The following HSDL1 variants were observed in gnomAD, a reference collection of about 807,000 sequenced individuals.
HSDL1 encodes the protein inactive hydroxysteroid dehydrogenase-like protein 1.
Under a neutral mutation model 31.5 loss-of-function variants are expected in HSDL1, and 29 were observed. That is an observed-to-expected ratio of 0.92 (90% CI 0.69 to 1.26). HSDL1 has a LOEUF of 1.26. Among genes scored for constraint, HSDL1 ranks in the 50% most tolerant of loss-of-function variants. HSDL1 has a pLI of 0.00. For missense variants in HSDL1, 503 were observed against 416.6 expected (o/e 1.21, Z -1.81); for synonymous variants, 222 against 155.2 (o/e 1.43, Z -3.20).
rs1298307485 is a variant in HSDL1 at position 84,130,206 on chromosome 16, A to T, written c.446T>A (p.Val149Glu). 6.2e-7 allele frequency: 1 copy of T among 1,614,206 alleles called. No homozygotes were observed. The highest frequency in any genetic ancestry group is 1.7e-5 in the Admixed American group (1 of 60,016). The part of the protein sequence containing the change: ...ALKDKDVGIL[V>E]NNVGVFYPYP... ...GGGATAAAACACACCCACGTTATTT[A>T]CCAAGATGCCAACGTCTTTGTCCTT... Residue 149 changes from valine to glutamate, a missense_variant, in exon 4 of 6, where the codon GTA (valine) becomes GAA (glutamate). Coordinates refer to ENST00000219439, the MANE Select transcript of HSDL1 (RefSeq NM_031463.5).
chr16:84,129,835 G>GA (rs1178145340), intron 4 of HSDL1, 60 bp from the exon 5 acceptor site: 2 of 1,482,892 alleles, frequency 1.3e-6, no homozygotes, highest in Non-Finnish European at 1.8e-6. Context: ...AAATTCAGGA[G>GA]AAAAAAAGAC....
intron 1 of HSDL1, among the ~76,000 whole-genome samples, chr16:84,136,807 CA>C (rs1369104451): frequency 1.3e-5 from 2 of 152,222 alleles, no homozygotes; most frequent in African/African-American, 2.4e-5. Context: ...CACAGAGCAT[CA>C]GGGGGGCTGA....
intron 5 of HSDL1, 48 bp from the exon 6 acceptor site, chr16:84,124,776 C>T (rs530132993): frequency 3.6e-5 from 46 of 1,286,302 alleles, no homozygotes; most frequent in Admixed American, 1.4e-4. Flanking sequence ...CCAAAATCAA[C>T]ACTGAAGGAA....
intron 1 of HSDL1, among the ~76,000 whole-genome samples, chr16:84,140,893 G>A (rs1426093055): frequency 1.3e-5 from 2 of 152,046 alleles, no homozygotes; most frequent in Admixed American, 6.5e-5. Context: ...CACGAGGTCA[G>A]GAGATCGAGA....
At chr16:84,127,962 G>A (rs1448818911) in intron 5 of HSDL1, among the ~76,000 whole-genome samples, 1 of 149,196 alleles carries the variant, frequency 6.7e-6, no homozygotes, top group Non-Finnish European at 1.5e-5. Context: ...CTCGTGATCC[G>A]CCCGCCTTGG....
chr16:84,137,205 C>T (rs757680946), intron 1 of HSDL1, among the ~76,000 whole-genome samples: 2 of 152,216 alleles, frequency 1.3e-5, no homozygotes, highest in African/African-American at 2.4e-5. Flanking sequence ...TGAAATGGGT[C>T]TTGAAGTGTG....
chr16:84,137,109 G>C (rs530994354), intron 1 of HSDL1, among the ~76,000 whole-genome samples: 1 of 152,308 alleles, frequency 6.6e-6, no homozygotes, highest in East Asian at 1.9e-4. Flanking sequence ...GAATAAACCA[G>C]GACTCCGTGC....
chr16:84,137,277 G>T (rs942001091), intron 1 of HSDL1, among the ~76,000 whole-genome samples: 1 of 152,192 alleles, frequency 6.6e-6, no homozygotes, highest in African/African-American at 2.4e-5. Context: ...ATGGAGAAAG[G>T]CTCGGCACCG....
intron 5 of HSDL1, among the ~76,000 whole-genome samples, chr16:84,128,732 G>C (rs1250382564): frequency 1.3e-5 from 2 of 149,364 alleles, no homozygotes; most frequent in East Asian, 2.0e-4. Flanking sequence ...TTTGGAAACA[G>C]AGCCTTGCTC....
At chr16:84,135,776 C>G (rs3809621) in intron 1 of HSDL1, among the ~76,000 whole-genome samples, 171 bp from the exon 2 acceptor site, 1 of 152,226 alleles carries the variant, frequency 6.6e-6, no homozygotes, top group African/African-American at 2.4e-5. Context: ...ACCAAGTACC[C>G]TCCTCTCAGA....
Position 84,143,368 on chromosome 16 carries a change from T to C in HSDL1, c.-69+1712A>G, listed in dbSNP as rs570590199. On this transcript the variant is annotated intron_variant, in intron 1 of 5. Coordinates refer to ENST00000219439, the MANE Select transcript of HSDL1 (RefSeq NM_031463.5). ...CAAATACAAAAGGCCGTATGTTGTATGTTTCCACTTGTATGAAATGTCCAG... is the reference window on the plus strand; with the variant it reads ...CAAATACAAAAGGCCGTATGTTGTACGTTTCCACTTGTATGAAATGTCCAG... Among the ~76,000 whole-genome samples the C allele has an allele frequency of 3.3e-5, 5 of 152,332 alleles. No homozygotes were observed. In the East Asian group the frequency reaches 9.6e-4, roughly 29 times the overall value.
rs74032832 is a variant in HSDL1 at position 84,135,577 on chromosome 16, T to A, written c.-40A>T. ...TGCCAGTTCTGGGCCGTCAGCAGTA[T>A]GTGGCTCCGTCCTTCTCTTAAGGCC... On this transcript the variant is annotated 5_prime_UTR_variant, in exon 2 of 6. Coordinates refer to ENST00000219439, the MANE Select transcript of HSDL1 (RefSeq NM_031463.5). The A allele has an allele frequency of 0.051, 7,761 of 152,328 alleles. 673 individuals are homozygous for A. The highest frequency in any genetic ancestry group is 0.18 in the African/African-American group (7,290 of 41,554). The allele number at this position is 152,328 out of a possible 1,614,324, so 9.4% of individuals were successfully genotyped here. A position where few individuals can be genotyped will look rare whatever the true frequency, so the allele number is the denominator to read the frequency against.
At chr16:84,144,286 G>A (rs2086811930) in intron 1 of HSDL1, 1 of 152,260 alleles carries the variant, frequency 6.6e-6, no homozygotes, top group Non-Finnish European at 1.5e-5. Flanking sequence ...TCAGAAAGGG[G>A]CTACCTGCAA....
At chr16:84,136,646 G>A (rs77210475) in intron 1 of HSDL1, among the ~76,000 whole-genome samples, 2,942 of 152,358 alleles carry the variant, frequency 0.019, 73 homozygotes, top group Admixed American at 0.067. Flanking sequence ...GTGAGTACAG[G>A]AACCTGGGGC....
chr16:84,126,932 A>G (rs2086613465), intron 5 of HSDL1, among the ~76,000 whole-genome samples: 1 of 152,218 alleles, frequency 6.6e-6, no homozygotes, highest in African/African-American at 2.4e-5. Flanking sequence ...TATACAGAAA[A>G]CTACTCCAGG....
chr16:84,131,499 A>G (rs537638705), intron 2 of HSDL1, among the ~76,000 whole-genome samples, 172 bp from the exon 3 acceptor site: 14 of 149,474 alleles, frequency 9.4e-5, no homozygotes, highest in African/African-American at 3.5e-4. Context: ...CTATCTATCT[A>G]TCTATCTATC....
At position 84,124,645 on chromosome 16, in the gene HSDL1, TA is replaced by T; in HGVS notation, c.977del (p.Leu326TyrfsTer24). ...CCATCCAGACTCAGGCTGTGCAGGA[TA>T]AGGCTTCCTTACGTAGTGAACGGTT... ...ILNRSLRKEA[L>X]SCTA On this transcript the variant is annotated frameshift_variant, in exon 6 of 6. Transcript: ENST00000219439. LOFTEE classifies it high-confidence loss of function. 6.2e-7 allele frequency: 1 copy of T among 1,612,990 alleles called. No homozygotes were observed. Among genetic ancestry groups the T allele is most frequent in the Non-Finnish European group, 8.5e-7 (1 of 1,178,978 alleles).
intron 1 of HSDL1, among the ~76,000 whole-genome samples, chr16:84,140,124 AC>A (rs2086752312): frequency 6.6e-6 from 1 of 151,518 alleles, no homozygotes; most frequent in Admixed American, 6.6e-5. Flanking sequence ...CACCTCTCTT[AC>A]CCATGTGGCA....
intron 5 of HSDL1, among the ~76,000 whole-genome samples, chr16:84,128,810 C>A (rs544144935): frequency 6.6e-6 from 1 of 151,858 alleles, no homozygotes; most frequent in South Asian, 2.1e-4. Flanking sequence ...AGGGTTCAAG[C>A]GATTCTCCTG....
Sources: gnomAD v4.1 joint callset for allele counts (sites outside exome capture counted in the v4.1 genomes callset) on GRCh38, gnomAD v4.1.1 for gene constraint, MANE v1.5 for transcripts, NCBI Gene and HGNC (gene_info 2026-07-23, HGNC 2026-07-21) for gene names.